Variants in HDLBP observed in about 807,000 individuals in gnomAD.
The protein encoded by HDLBP is vigilin.
Under a neutral mutation model 137.3 loss-of-function variants are expected in HDLBP, and 30 were observed. The ratio of observed to expected loss-of-function variants is 0.22; its 90% CI spans 0.16 to 0.30. HDLBP has a LOEUF of 0.30. Ranked by LOEUF, HDLBP falls within the 10% of genes least tolerant of loss-of-function variation. The pLI, the probability that HDLBP is intolerant of heterozygous loss-of-function variation, is 1.00. For missense variants in HDLBP, 1,119 were observed against 1,667.3 expected, an observed-to-expected ratio of 0.67 and a Z score of 5.73; for synonymous variants, 606 against 596.0, an observed-to-expected ratio of 1.02 and a Z score of -0.24.
intron 1 of HDLBP, among the ~76,000 whole-genome samples, chr2:241,288,220 C>A (rs992108298): frequency 6.6e-6 from 1 of 152,174 alleles, no homozygotes; most frequent in East Asian, 1.9e-4. Context: ...ACAATTGCCA[C>A]GTTATCTGCA....
At chr2:241,234,991 C>T in intron 23 of HDLBP, 130 bp downstream of exon 23, 1 of 1,099,520 alleles carries the variant, frequency 9.1e-7, no homozygotes, top group South Asian at 1.5e-5. Context: ...CGTCCTGGCA[C>T]TGCCTGCATC....
At chr2:241,259,057 G>A (rs1443971297) in intron 5 of HDLBP, among the ~76,000 whole-genome samples, 1 of 152,134 alleles carries the variant, frequency 6.6e-6, no homozygotes, top group East Asian at 1.9e-4. Context: ...GCTAAAGTCT[G>A]GAAACTACCC....
chr2:241,291,149 CAG>C (rs770865806), intron 1 of HDLBP, among the ~76,000 whole-genome samples: 4 of 152,178 alleles, frequency 2.6e-5, no homozygotes, highest in Non-Finnish European at 5.9e-5. Flanking sequence ...CAGTGAAAAG[CAG>C]AGTCACAAAA....
chr2:241,235,351 A>ACCCGC, intron 22 of HDLBP, 96 bp from the exon 23 acceptor site: 5 of 1,515,052 alleles, frequency 3.3e-6, no homozygotes, highest in Non-Finnish European at 4.5e-6. Context: ...AGGGAAGGCC[A>ACCCGC]CCCGCCGTGA....
At chr2:241,232,244 T>C (rs1218595819) in intron 24 of HDLBP, among the ~76,000 whole-genome samples, 1 of 151,536 alleles carries the variant, frequency 6.6e-6, no homozygotes, top group African/African-American at 2.4e-5. Flanking sequence ...CATGGTGTAT[T>C]AGATGGAATA....
At chr2:241,242,328 C>T in intron 17 of HDLBP, 132 bp downstream of exon 17, 2 of 719,256 alleles carry the variant, frequency 2.8e-6, no homozygotes, top group South Asian at 1.8e-5. Flanking sequence ...GACGCATAAA[C>T]AGTACATTAT....
At chr2:241,303,902 G>A (rs113869879) in intron 1 of HDLBP, among the ~76,000 whole-genome samples, 2,622 of 152,236 alleles carry the variant, frequency 0.017, 51 homozygotes, top group African/African-American at 0.047. Flanking sequence ...TCGACCTCCT[G>A]GGCTCAAACG....
chr2:241,300,947 ATACTATTAT>A (rs1481706318), intron 1 of HDLBP, among the ~76,000 whole-genome samples: 4 of 138,682 alleles, frequency 2.9e-5, no homozygotes, highest in African/African-American at 1.1e-4. Context: ...TCATGCACAC[ATACTATTAT>A]TATTATTATT....
chr2:241,272,499 G>A lies in HDLBP; in HGVS notation c.-102-3958C>T, dbSNP rs1302360046. On this transcript the variant is annotated intron_variant, in intron 1 of 27. Coordinates refer to ENST00000310931, the MANE Select transcript of HDLBP (RefSeq NM_005336.6). This position sits in a 1 kb window ranked among gnomAD's most constrained non-coding sequence, Gnocchi z 5.6. The stretch of plus-strand genomic sequence containing the variant: ...GGCGCCACCGGACTTGAGAAAGTTT[G>A]TGCGCGCCCCTCCGCGCCACGGCCA... 8.1e-6 allele frequency: 8 copies of A among 984,360 alleles called. No homozygotes were observed. The highest frequency in any genetic ancestry group is 1.8e-5 in the African/African-American group (1 of 57,044). 61.0% of individuals were successfully genotyped at this position (984,360 alleles called of 1,614,324 possible).
intron 1 of HDLBP, among the ~76,000 whole-genome samples, chr2:241,302,384 T>C (rs1008912704): frequency 2.0e-5 from 3 of 149,328 alleles, no homozygotes; most frequent in Non-Finnish European, 4.5e-5. Context: ...ATAGCAAACC[T>C]CCATTTTGAC....
At chr2:241,271,497 G>A (rs1328755122) in intron 1 of HDLBP, among the ~76,000 whole-genome samples, 3 of 152,152 alleles carry the variant, frequency 2.0e-5, no homozygotes, top group Admixed American at 2.0e-4. Context: ...AAGTCTAACA[G>A]GTTTCTGACA....
rs144366638 is a variant in HDLBP, at chr2:241,247,113, C to T, written c.1761G>A (p.Pro587=). 3.2e-5 allele frequency: 52 copies of T among 1,613,002 alleles called. No individual in the cohort carries two copies. The highest frequency in any genetic ancestry group is 6.7e-5 in the East Asian group (3 of 44,890). The change falls in exon 15 of 28, where the codon CCG becomes CCA. Residue 587 remains proline (P), a synonymous_variant. Coordinates refer to ENST00000310931, the MANE Select transcript of HDLBP (RefSeq NM_005336.6). ...LVENSYSISV[P]IFKQFHKNII... ...TATTCTTGTGAAACTGTTTGAAGATCGGAACAGAAATTGAATAGCTATTTT... is the reference window on the plus strand; with the variant it reads ...TATTCTTGTGAAACTGTTTGAAGATTGGAACAGAAATTGAATAGCTATTTT...
chr2:241,313,451 T>G (rs937980984), intron 1 of HDLBP, among the ~76,000 whole-genome samples: 1 of 152,136 alleles, frequency 6.6e-6, no homozygotes, highest in South Asian at 2.1e-4. Context: ...GGCTAATTTT[T>G]GTATTTTTAG....
intron 5 of HDLBP, among the ~76,000 whole-genome samples, chr2:241,257,436 T>TTG (rs1462620690): frequency 7.9e-5 from 12 of 152,208 alleles, no homozygotes; most frequent in Non-Finnish European, 1.8e-4. Context: ...TTTCACCATG[T>TTG]TGGCCCCGAT....
At chr2:241,256,508 CTT>C in intron 6 of HDLBP, 90 bp downstream of exon 6, 1 of 1,519,342 alleles carries the variant, frequency 6.6e-7, no homozygotes, top group South Asian at 1.2e-5. Flanking sequence ...CACATTATGC[CTT>C]GAAGTCCACA....
At chr2:241,265,379 T>C (rs1446990870) in intron 3 of HDLBP, among the ~76,000 whole-genome samples, 6 of 152,038 alleles carry the variant, frequency 3.9e-5, no homozygotes, top group South Asian at 4.1e-4. Flanking sequence ...GACTGCGCCA[T>C]TGCACTCCAG....
intron 1 of HDLBP, among the ~76,000 whole-genome samples, chr2:241,303,925 C>CA (rs112403452): frequency 2.0e-4 from 31 of 152,300 alleles, no homozygotes; most frequent in African/African-American, 7.5e-4. Context: ...CCTCCCACCT[C>CA]AGTCTCCTGA....
intron 1 of HDLBP, among the ~76,000 whole-genome samples, chr2:241,288,498 G>C (rs2074907909): frequency 6.6e-6 from 1 of 152,142 alleles, no homozygotes; most frequent in African/African-American, 2.4e-5. Context: ...GAAAAAAAAT[G>C]GGCAGAGCTT....
Position 241,272,739 on chromosome 2 carries a change from C to A in HDLBP, c.-102-4198G>T. The A allele has an allele frequency of 4.7e-6, 2 of 423,364 alleles. No individual in the cohort carries two copies. The highest frequency in any genetic ancestry group is 6.3e-6 in the Non-Finnish European group (2 of 319,300). The allele number at this position is 423,364 out of a possible 1,614,324, so 26.2% of individuals were successfully genotyped here. On this transcript the variant is annotated intron_variant, in intron 1 of 27. Transcript: ENST00000310931. The surrounding 1 kb of genome is among the most constrained non-coding windows in gnomAD (Gnocchi z 5.6). ...CGTCCGCCCGCCCGCCCAGGCCTCCCAGCCCCGTGTTGCGCGCTCACTCGT... is the reference window on the plus strand; with the variant it reads ...CGTCCGCCCGCCCGCCCAGGCCTCCAAGCCCCGTGTTGCGCGCTCACTCGT...
Sources: allele counts gnomAD v4.1 joint callset (sites outside exome capture counted in the v4.1 genomes callset), GRCh38; gene constraint gnomAD v4.1.1; non-coding constraint Gnocchi (gnomAD v3.1); transcripts MANE v1.5; gene names NCBI Gene and HGNC (gene_info 2026-07-23, HGNC 2026-07-21).